The following ANKMY1 variants were observed in gnomAD, a reference collection of about 807,000 sequenced individuals.
The protein encoded by ANKMY1 is ankyrin repeat and MYND domain-containing protein 1.
ANKMY1 carries 98 observed loss-of-function variants against 102.0 expected under a neutral mutation model. The observed-to-expected ratio is 0.96, with a 90% CI of 0.82 to 1.14. The LOEUF (loss-of-function observed/expected upper bound fraction) is 1.14. Ranked by LOEUF, ANKMY1 falls within the 50% of genes most tolerant of loss-of-function variation. ANKMY1 has a pLI of 0.00. For synonymous variants in ANKMY1, 582 were observed against 559.9 expected (o/e 1.04, Z -0.56); for missense variants, 1,330 against 1,347.6 (o/e 0.99, Z 0.20).
chr2:240,521,672 G>C (rs922026442), intron 8 of ANKMY1, among the ~76,000 whole-genome samples: 1 of 151,854 alleles, frequency 6.6e-6, no homozygotes, highest in African/African-American at 2.4e-5. Flanking sequence ...CTAATTTTTT[G>C]TATTTTTAGT....
At chr2:240,541,828 G>A (rs2088922811) in intron 4 of ANKMY1, among the ~76,000 whole-genome samples, 1 of 152,088 alleles carries the variant, frequency 6.6e-6, no homozygotes, top group South Asian at 2.1e-4. Flanking sequence ...GCAGGGTTGG[G>A]CCAGATTAGT....
At chr2:240,507,323 C>T (rs1266103405) in intron 13 of ANKMY1, among the ~76,000 whole-genome samples, 1 of 151,120 alleles carries the variant, frequency 6.6e-6, no homozygotes, top group Non-Finnish European at 1.5e-5. Context: ...CAGCCCACCT[C>T]ACACTCCTCC....
At chr2:240,471,324 T>A in the ANKMY1 span, among the ~76,000 whole-genome samples, 2 of 149,910 alleles carry the variant, frequency 1.3e-5, no homozygotes, top group Admixed American at 6.7e-5. Context: ...AGTGGTGTGA[T>A]CTCAGCTCAC....
chr2:240,507,879 A>T (rs1209749779), intron 12 of ANKMY1, 188 bp from the exon 13 acceptor site: 2 of 596,280 alleles, frequency 3.4e-6, no homozygotes, highest in African/African-American at 1.9e-5. Context: ...ACAGAGGATG[A>T]TGCTGGGCGG....
At chr2:240,519,527 C>A (rs552550195) in intron 9 of ANKMY1, among the ~76,000 whole-genome samples, 66 of 152,310 alleles carry the variant, frequency 4.3e-4, no homozygotes, top group African/African-American at 1.3e-3. Flanking sequence ...CCAGACGCCT[C>A]TGAGAGGAGG....
At chr2:240,525,953 G>A (rs778971092) in intron 6 of ANKMY1, 104 bp from the exon 7 acceptor site, 92 of 1,382,520 alleles carry the variant, frequency 6.7e-5, no homozygotes, top group Non-Finnish European at 8.7e-5. Context: ...CTATGGCAGG[G>A]CAGGAACCAG....
intron 4 of ANKMY1, among the ~76,000 whole-genome samples, chr2:240,534,808 C>T (rs1303084974): frequency 4.0e-5 from 6 of 151,786 alleles, no homozygotes; most frequent in African/African-American, 1.2e-4. Flanking sequence ...AAAAGCATAT[C>T]GGATTTAGAC....
In ANKMY1 at chr2:240,479,673, G is replaced by T; in HGVS notation, c.3047-18C>A. ...TTGTGTCACTGGAGGAGGAAAAGGT[G>T]TGGGGGAGGGGGAAGAGGGGGCTGG... On this transcript the variant is annotated intron_variant, in intron 17 of 17. Transcript: ENST00000401804. 2 of 1,611,740 alleles carry T rather than the reference G, an allele frequency of 1.2e-6. No homozygotes were observed. The highest frequency in any genetic ancestry group is 1.7e-6 in the Non-Finnish European group (2 of 1,179,060).
Position 240,557,230 on chromosome 2 carries a change from C to T in ANKMY1, c.106G>A (p.Glu36Lys). Residue 36 changes from glutamate (E) to lysine (K), a missense_variant, in exon 2 of 18, where the codon GAG becomes AAG. Transcript: ENST00000401804. ...GKGGETPAAE[E>K]PGSLKNYAVF... ...GCGTAGTTCTTCAGGGACCCCGGCTCCTCGGCAGCAGGGGTCTCGCCGCCC... is the reference window on the plus strand; with the variant it reads ...GCGTAGTTCTTCAGGGACCCCGGCTTCTCGGCAGCAGGGGTCTCGCCGCCC... 6.3e-7 allele frequency: 1 copy of T among 1,591,104 alleles called. No homozygotes were observed. Among genetic ancestry groups the T allele is most frequent in the Non-Finnish European group, 8.6e-7 (1 of 1,167,982 alleles).
intron 17 of ANKMY1, 91 bp from the exon 18 acceptor site, chr2:240,479,746 C>G: frequency 8.8e-7 from 1 of 1,136,776 alleles, no homozygotes; most frequent in Non-Finnish European, 1.3e-6. Flanking sequence ...CTGTGTGGGG[C>G]GGCTGAGGAC....
At chr2:240,537,228 G>C (rs914628236) in intron 4 of ANKMY1, among the ~76,000 whole-genome samples, 17 of 152,070 alleles carry the variant, frequency 1.1e-4, no homozygotes, top group African/African-American at 4.1e-4. Flanking sequence ...AAGGCCTTTT[G>C]TTTTTCCTTT....
At chr2:240,478,849 A>G (rs571891549), downstream of ANKMY1, among the ~76,000 whole-genome samples, 1 of 151,918 alleles carries the variant, frequency 6.6e-6, no homozygotes, top group African/African-American at 2.4e-5. Flanking sequence ...ACTCCCAGCT[A>G]TTCTGCCCTC....
chr2:240,518,265 T>C (rs1379399038), intron 9 of ANKMY1, among the ~76,000 whole-genome samples: 1 of 152,174 alleles, frequency 6.6e-6, no homozygotes, highest in Non-Finnish European at 1.5e-5. Context: ...TCCTAAATAG[T>C]ATCAAGGAAC....
intron 4 of ANKMY1, 59 bp downstream of exon 4, chr2:240,552,855 A>G (rs1380730820): frequency 5.0e-6 from 8 of 1,611,176 alleles, no homozygotes; most frequent in South Asian, 1.1e-5. Flanking sequence ...CTTTTTGTCC[A>G]GTGGCTTAGA....
rs2090407239 is a variant in ANKMY1, at chr2:240,546,510, A to G, written c.480+6404T>C. Among the ~76,000 whole-genome samples the G allele has an allele frequency of 2.0e-5, 3 of 152,322 alleles. No individual in the cohort carries two copies. In the South Asian group the frequency reaches 6.2e-4, roughly 32 times the overall value. On this transcript the variant is annotated intron_variant, in intron 4 of 17. Transcript: ENST00000401804. ...GACAGGATCAGATTCACACATAACA[A>G]TATTAACTTTAAATGTAAATGGACT...
chr2:240,529,535 G>A lies in ANKMY1; in HGVS notation c.481-26C>T, dbSNP rs1395489145. ...CTGCCAAGGAAGCGCAATAGACCGA[G>A]GAGAGATAACGCGACCCAGCTGCAC... On this transcript the variant is annotated intron_variant, in intron 4 of 17. Transcript: ENST00000401804. The surrounding 1 kb of genome is among the most constrained non-coding windows in gnomAD (Gnocchi z 4.2). 1.9e-6 allele frequency: 3 copies of A among 1,579,462 alleles called. No homozygotes were observed.
chr2:240,490,900 T>C (rs542127789), intron 15 of ANKMY1, among the ~76,000 whole-genome samples: 1 of 152,342 alleles, frequency 6.6e-6, no homozygotes, highest in Admixed American at 6.5e-5. Context: ...TCTGTCTAGA[T>C]AATCTGCCTA....
chr2:240,470,317 T>C, the ANKMY1 span, among the ~76,000 whole-genome samples: 1 of 152,000 alleles, frequency 6.6e-6, no homozygotes, highest in Non-Finnish European at 1.5e-5. Context: ...AAGAAGTGGG[T>C]AGAGTCTAGG....
intron 16 of ANKMY1, among the ~76,000 whole-genome samples, chr2:240,481,392 G>A (rs373481912): frequency 6.0e-4 from 91 of 152,332 alleles, no homozygotes; most frequent in African/African-American, 2.0e-3. Context: ...TCAGGAGACC[G>A]CCGTGGGGCC....
Sources: gnomAD v4.1 joint callset for allele counts (sites outside exome capture counted in the v4.1 genomes callset) on GRCh38, gnomAD v4.1.1 for gene constraint, Gnocchi (gnomAD v3.1) non-coding constraint, MANE v1.5 for transcripts, NCBI Gene and HGNC (gene_info 2026-07-23, HGNC 2026-07-21) for gene names.